ZNF678: variants seen among roughly 807,000 people sequenced by gnomAD.
ZNF678 encodes the protein hypothetical protein MGC42493.
A neutral mutation model predicts 3.0 loss-of-function variants in ZNF678; 5 were observed. The ratio of observed to expected loss-of-function variants is 1.69; its 90% CI spans 0.88 to 3.56. The LOEUF (loss-of-function observed/expected upper bound fraction) is 3.56. Among genes scored for constraint, ZNF678 ranks in the 30% most tolerant of loss-of-function variants. The probability of loss-of-function intolerance (pLI) is 0.00; values close to 1 mark genes in which losing one functional copy is unlikely to be tolerated. For missense variants in ZNF678, 593 were observed against 605.0 expected (o/e 0.98, Z 0.21); for synonymous variants, 218 against 199.6 (o/e 1.09, Z -0.78).
At chr1:227,578,443 T>C (rs1425970959) in intron 1 of ZNF678, among the ~76,000 whole-genome samples, 1 of 152,120 alleles carries the variant, frequency 6.6e-6, no homozygotes, top group Non-Finnish European at 1.5e-5. Flanking sequence ...TCCTTTTAAC[T>C]CTTTTTTTTA....
chr1:227,635,525 G>GTGTGTGTGTGTGTT, intron 1 of ZNF678, among the ~76,000 whole-genome samples: 1 of 141,264 alleles, frequency 7.1e-6, no homozygotes, highest in Non-Finnish European at 1.5e-5. Flanking sequence ...TTGTGTGTGT[G>GTGTGTGTGTGTGTT]TGTGTGTGTG....
chr1:227,594,551 A>G (rs556789256), intron 1 of ZNF678, among the ~76,000 whole-genome samples: 1 of 152,350 alleles, frequency 6.6e-6, no homozygotes, highest in East Asian at 1.9e-4. Flanking sequence ...TTAAAACTTG[A>G]TTAAACCTTT....
chr1:227,643,528 T>A (rs373223522), intron 1 of ZNF678, among the ~76,000 whole-genome samples: 16 of 152,162 alleles, frequency 1.1e-4, no homozygotes, highest in African/African-American at 3.6e-4. Context: ...CGCAACTGAT[T>A]AGGGGAGATC....
At position 227,643,843 on chromosome 1, in the gene ZNF678, ATTTTC is replaced by A. The variant is rs1311593071; in HGVS notation, c.-163-2681_-163-2677del. Among the ~76,000 whole-genome samples the A allele has an allele frequency of 3.8e-4, 52 of 136,334 alleles. No homozygotes were observed. In the East Asian group the frequency reaches 8.3e-3, roughly 22 times the overall value. 89.4% of individuals were successfully genotyped at this position (136,334 alleles called of 152,430 possible). A position where few individuals can be genotyped will look rare whatever the true frequency, so the allele number is the denominator to read the frequency against. On this transcript the variant is annotated intron_variant, in intron 1 of 3. Coordinates refer to ENST00000343776, the MANE Select transcript of ZNF678 (RefSeq NM_001367909.1). ...TCTATATTTAGCTTTTATTTTATAT[ATTTTC>A]TTTTCTTTTCTTTTCTTTTTTTTTT...
intron 1 of ZNF678, among the ~76,000 whole-genome samples, chr1:227,623,509 A>G (rs1658330904): frequency 6.6e-6 from 1 of 152,218 alleles, no homozygotes; most frequent in South Asian, 2.1e-4. Flanking sequence ...TGAACTATTG[A>G]CAGTATCATT....
At chr1:227,639,071 C>A (rs1013489103) in intron 1 of ZNF678, among the ~76,000 whole-genome samples, 1 of 152,102 alleles carries the variant, frequency 6.6e-6, no homozygotes, top group East Asian at 1.9e-4. Flanking sequence ...TTGGCCTGCT[C>A]GGGAAGGGAT....
Position 227,654,868 on chromosome 1 carries a change from G to C in ZNF678, c.618G>C (p.Glu206Asp). The C allele has an allele frequency of 1.9e-6, 3 of 1,608,816 alleles. No individual in the cohort carries two copies. The highest frequency in any genetic ancestry group is 2.5e-6 in the Non-Finnish European group (3 of 1,179,054). ...GCCATAAGAAAATTCATAGTGGAGA[G>C]AAACCATACCCATGTGAAGAATGTG... The part of the protein sequence containing the change: ...LTSHKKIHSG[E>D]KPYPCEECGK... The change falls in exon 4 of 4, where the codon GAG becomes GAC. Residue 206 changes from glutamate to aspartate, a missense_variant. By Grantham distance (45) the Glu-to-Asp change is conservative. Transcript: ENST00000343776.
chr1:227,650,431 T>G (rs1018809590), intron 2 of ZNF678, among the ~76,000 whole-genome samples: 7 of 152,206 alleles, frequency 4.6e-5, no homozygotes, highest in Admixed American at 3.3e-4. Flanking sequence ...TCAGAAAGTG[T>G]GATGCCCCCA....
At chr1:227,580,790 C>T (rs1657110556) in intron 1 of ZNF678, among the ~76,000 whole-genome samples, 1 of 151,934 alleles carries the variant, frequency 6.6e-6, no homozygotes, top group African/African-American at 2.4e-5. Context: ...ATTAGCCAGG[C>T]GTGGTGGTGC....
chr1:227,632,264 A>G (rs1278161215), intron 1 of ZNF678, among the ~76,000 whole-genome samples: 1 of 152,172 alleles, frequency 6.6e-6, no homozygotes, highest in African/African-American at 2.4e-5. Flanking sequence ...TTGAAGTTAC[A>G]AATTGCTCTA....
At chr1:227,569,279 C>T (rs1656775432) in intron 1 of ZNF678, among the ~76,000 whole-genome samples, 1 of 152,176 alleles carries the variant, frequency 6.6e-6, no homozygotes, top group Non-Finnish European at 1.5e-5. Context: ...TGTGAACCCC[C>T]ATGCCTGATC....
At chr1:227,583,133 T>C (rs1227575769) in intron 1 of ZNF678, among the ~76,000 whole-genome samples, 2 of 152,054 alleles carry the variant, frequency 1.3e-5, no homozygotes, top group East Asian at 1.9e-4. Flanking sequence ...AAATAATAGA[T>C]CCGTTGGGTC....
chr1:227,603,550 TG>T (rs1657788791), intron 1 of ZNF678, among the ~76,000 whole-genome samples: 1 of 152,186 alleles, frequency 6.6e-6, no homozygotes. Flanking sequence ...CTCCAGGTGC[TG>T]TAGTCCTGCT....
rs774017117 is a variant in ZNF678 at position 227,655,819 on chromosome 1, C to A, written c.1569C>A (p.Gly523=). 6.4e-7 allele frequency: 1 copy of A among 1,563,370 alleles called. No homozygotes were observed. Among genetic ancestry groups the A allele is most frequent in the South Asian group, 1.2e-5 (1 of 81,038 alleles). ...AACCTGACAAATGTAAAAAATGTGGCAGTCTTTAAAAACTGCTTCATTATA... is the reference window on the plus strand; with the variant it reads ...AACCTGACAAATGTAAAAAATGTGGAAGTCTTTAAAAACTGCTTCATTATA... ...GEEPDKCKKC[G]SL Residue 523 remains glycine, a synonymous_variant, in exon 4 of 4, where the codon GGC becomes GGA. Transcript: ENST00000343776.
At chr1:227,674,607 TC>T (rs1354162693) in intron 5 of ZNF678, among the ~76,000 whole-genome samples, 47 of 146,264 alleles carry the variant, frequency 3.2e-4, no homozygotes, top group Admixed American at 8.2e-4. Context: ...TTTTTTTTTT[TC>T]TTTTTTTTTT....
intron 1 of ZNF678, among the ~76,000 whole-genome samples, chr1:227,565,561 G>A (rs773488600): frequency 2.4e-4 from 36 of 151,604 alleles, no homozygotes; most frequent in Non-Finnish European, 4.7e-4. Flanking sequence ...ATTGGGTTTC[G>A]CTAGTTACCC....
intron 1 of ZNF678, among the ~76,000 whole-genome samples, chr1:227,600,645 T>A (rs1160794239): frequency 6.6e-6 from 1 of 152,190 alleles, no homozygotes; most frequent in African/African-American, 2.4e-5. Context: ...TTTTTTTCTT[T>A]TAGATTTGTT....
chr1:227,632,810 G>A (rs995819814), intron 1 of ZNF678, among the ~76,000 whole-genome samples: 13 of 152,134 alleles, frequency 8.5e-5, no homozygotes, highest in East Asian at 1.9e-4. Flanking sequence ...TATTACCGGC[G>A]GGTCTTTGTT....
chr1:227,575,266 C>G (rs1484607738), intron 1 of ZNF678, among the ~76,000 whole-genome samples: 1 of 152,152 alleles, frequency 6.6e-6, no homozygotes, highest in Non-Finnish European at 1.5e-5. Flanking sequence ...ATAGTTTTCT[C>G]TAGTTCTGTG....
Sources: gnomAD v4.1 joint callset for allele counts (sites outside exome capture counted in the v4.1 genomes callset) on GRCh38, gnomAD v4.1.1 for gene constraint, MANE v1.5 for transcripts, NCBI Gene and HGNC (gene_info 2026-07-23, HGNC 2026-07-21) for gene names.